The following GMEB2 variants were observed in gnomAD, a reference collection of about 807,000 sequenced individuals.
The protein encoded by GMEB2 is glucocorticoid modulatory element binding protein 2.
Under a neutral mutation model 45.7 loss-of-function variants are expected in GMEB2, and 7 were observed. The observed-to-expected ratio is 0.15, with a 90% confidence interval of 0.09 to 0.29. GMEB2 has a LOEUF of 0.29. Ranked by LOEUF, GMEB2 falls within the 10% of genes least tolerant of loss-of-function variation. The probability of loss-of-function intolerance (pLI) is 1.00; values close to 1 mark genes in which losing one functional copy is unlikely to be tolerated. For missense variants in GMEB2, 582 were observed against 739.2 expected (o/e 0.79, Z 2.47); for synonymous variants, 322 against 323.6 (o/e 1.00, Z 0.05).
intron 2 of GMEB2, among the ~76,000 whole-genome samples, chr20:63,612,549 C>T (rs544227056): frequency 1.3e-4 from 20 of 152,318 alleles, no homozygotes; most frequent in Admixed American, 2.6e-4. Context: ...ATGATCTCAA[C>T]GTTTTGTAAC....
Position 63,604,790 on chromosome 20 carries a change from G to A in GMEB2, c.182C>T (p.Ala61Val), listed in dbSNP as rs778588606. Residue 61 changes from alanine (A) to valine (V), a missense_variant, in exon 3 of 10, where the codon GCT (alanine) becomes GTT (valine). By Grantham distance (64) the Ala-to-Val change is moderately conservative (BLOSUM62 0). This residue lies in a region of GMEB2 where 114 missense variants were observed against 123.4 expected (regional missense o/e 0.92). Transcript: ENST00000370077. ...NMETENAAAA[A>V]AAAFTASSQL... ...GGAGGAGGCTGTGAAGGCCGCGGCA[G>A]CTGCTGCCGCTGCATTTTCTGTCTC... The A allele has an allele frequency of 7.4e-6, 12 of 1,612,026 alleles. No homozygotes were observed. Among genetic ancestry groups the A allele is most frequent in the Non-Finnish European group, 9.3e-6 (11 of 1,178,510 alleles).
intron 2 of GMEB2, among the ~76,000 whole-genome samples, chr20:63,609,967 C>T (rs1270631259): frequency 2.6e-5 from 4 of 152,168 alleles, no homozygotes; most frequent in African/African-American, 9.6e-5. Flanking sequence ...GACCCCACCT[C>T]CATTTCTAGA....
intron 1 of GMEB2, among the ~76,000 whole-genome samples, chr20:63,623,013 T>C (rs1462153489): frequency 6.6e-6 from 1 of 152,040 alleles, no homozygotes; most frequent in East Asian, 1.9e-4. Flanking sequence ...AGAACACCAG[T>C]GAGGGCTCCA....
At chr20:63,625,875 T>G (rs1359116956) in intron 1 of GMEB2, among the ~76,000 whole-genome samples, 1 of 152,164 alleles carries the variant, frequency 6.6e-6, no homozygotes, top group Admixed American at 6.5e-5. Flanking sequence ...GGATTACAGG[T>G]GTGAGCCATC....
intron 5 of GMEB2, among the ~76,000 whole-genome samples, chr20:63,596,514 G>T (rs552968026): frequency 6.6e-6 from 1 of 152,232 alleles, no homozygotes; most frequent in African/African-American, 2.4e-5. Flanking sequence ...CTACCTGGCC[G>T]GTGGTCCCCA....
chr20:63,618,040 C>T (rs974205134), intron 2 of GMEB2, among the ~76,000 whole-genome samples: 2 of 152,214 alleles, frequency 1.3e-5, no homozygotes, highest in South Asian at 4.1e-4. Flanking sequence ...TGGACACCAC[C>T]CCAGCAGCCG....
At position 63,619,034 on chromosome 20, in the gene GMEB2, G is replaced by A. The variant is rs1183725235; in HGVS notation, c.131+233C>T. 3.3e-5 allele frequency among the ~76,000 whole-genome samples: 5 copies of A among 152,260 alleles called. No homozygotes were observed. The highest frequency in any genetic ancestry group is 6.5e-5 in the Admixed American group (1 of 15,300). ...ACGGCCTTTCAGGACGTGGAGCCACGTGGCCATGCAGGTACGGGAGGCCTC... is the reference window on the plus strand; with the variant it reads ...ACGGCCTTTCAGGACGTGGAGCCACATGGCCATGCAGGTACGGGAGGCCTC... On this transcript the variant is annotated intron_variant, in intron 2 of 9. Coordinates refer to ENST00000370077, the MANE Select transcript of GMEB2 (RefSeq NM_012384.5). This position sits in a 1 kb window ranked among gnomAD's most constrained non-coding sequence, Gnocchi z 4.6.
intron 2 of GMEB2, among the ~76,000 whole-genome samples, chr20:63,609,666 T>C (rs201002934): frequency 2.5e-4 from 4 of 16,114 alleles, no homozygotes; most frequent in East Asian, 1.4e-3. Context: ...CCTCCATTTC[T>C]AGAAACATGC....
rs1162030354 is a variant in GMEB2 at position 63,590,267 on chromosome 20, A to C, written c.1415T>G (p.Val472Gly). 1 of 1,612,568 alleles carries C rather than the reference A, an allele frequency of 6.2e-7. No homozygotes were observed. The highest frequency in any genetic ancestry group is 1.7e-5 in the Admixed American group (1 of 60,014). The change falls in exon 10 of 10, where the codon GTC becomes GGC. Residue 472 changes from valine to glycine, a missense_variant. Physicochemically the swap from Val to Gly is moderately radical, Grantham distance 109. Around this residue, in one of 3 missense-constraint regions of GMEB2, gnomAD observed 462 missense variants for 586.7 expected, o/e 0.79. Transcript: ENST00000370077. ...CAACGTGAGCAGCTGTAGCGGGCTG[A>C]CCACCTTGAACACCGTGCTACCGTC... The part of the protein sequence containing the change: ...VQDGSTVFKV[V>G]SPLQLLTLPG...
intron 1 of GMEB2, among the ~76,000 whole-genome samples, chr20:63,623,654 C>G (rs1025026715): frequency 2.1e-4 from 32 of 151,950 alleles, no homozygotes; most frequent in African/African-American, 7.5e-4. Context: ...AAAAATTAGC[C>G]GGGCGCGGTG....
Position 63,593,030 on chromosome 20 carries a change from G to A in GMEB2, c.672C>T (p.Asp224=), listed in dbSNP as rs1441195485. 4 of 1,611,406 alleles carry A rather than the reference G, an allele frequency of 2.5e-6. No homozygotes were observed. The highest frequency in any genetic ancestry group is 1.7e-4 in the Middle Eastern group (1 of 6,052). Residue 224 remains aspartate (D), a synonymous_variant, in exon 7 of 10, where the codon GAC becomes GAT. Coordinates refer to ENST00000370077, the MANE Select transcript of GMEB2 (RefSeq NM_012384.5). The surrounding 1 kb of genome is among the most constrained non-coding windows in gnomAD (Gnocchi z 4.7). The stretch of plus-strand genomic sequence containing the variant: ...TCGTACCTCCAATGGCCGCGGTCCA[G>A]TCGCCAGGGTCTTCACAGGTCTCTA... ...ITIETCEDPG[D]WTAAIGDDTF... is the part of the protein sequence containing the mutation.
intron 2 of GMEB2, among the ~76,000 whole-genome samples, chr20:63,609,804 G>C (rs1426802388): frequency 1.0e-5 from 1 of 97,762 alleles, no homozygotes; most frequent in Non-Finnish European, 2.3e-5. Context: ...TCCATTTCTA[G>C]AAACATGCCC....
At chr20:63,616,852 G>T (rs182993718) in intron 2 of GMEB2, among the ~76,000 whole-genome samples, 1 of 152,292 alleles carries the variant, frequency 6.6e-6, no homozygotes, top group African/African-American at 2.4e-5. Context: ...TGTGTCCCCC[G>T]TAAAATTCAT....
intron 1 of GMEB2, among the ~76,000 whole-genome samples, chr20:63,626,187 G>T (rs2089670139): frequency 6.6e-6 from 1 of 151,798 alleles, no homozygotes; most frequent in African/African-American, 2.4e-5. Flanking sequence ...CTGTGGGGTG[G>T]TCCCTGCAGG....
chr20:63,589,996 C>T lies in GMEB2; in HGVS notation c.*93G>A. The stretch of plus-strand genomic sequence containing the variant: ...TCTGCAGACCACGTGACCCACCTGC[C>T]CGAGCCAGCCCTGCGGCCTCTGCCC... On this transcript the variant is annotated 3_prime_UTR_variant, in exon 10 of 10. Coordinates refer to ENST00000370077, the MANE Select transcript of GMEB2 (RefSeq NM_012384.5). 8.6e-7 allele frequency: 1 copy of T among 1,160,930 alleles called. No homozygotes were observed. The highest frequency in any genetic ancestry group is 2.7e-5 in the East Asian group (1 of 36,776). 71.9% of individuals were successfully genotyped at this position (1,160,930 alleles called of 1,614,324 possible).
Position 63,604,762 on chromosome 20 carries a change from C to T in GMEB2, c.210G>A (p.Gln70=). Residue 70 remains glutamine, a synonymous_variant, in exon 3 of 10, where the codon CAG becomes CAA. Coordinates refer to ENST00000370077, the MANE Select transcript of GMEB2 (RefSeq NM_012384.5). ...TCCTACCTAACACGGCTTCCTTGAG[C>T]TGGGAGGAGGCTGTGAAGGCCGCGG... ...AAAAAFTASS[Q]LKEAVLVKMA... The T allele has an allele frequency of 1.2e-6, 2 of 1,606,964 alleles. No individual in the cohort carries two copies. Among genetic ancestry groups the T allele is most frequent in the Non-Finnish European group, 1.7e-6 (2 of 1,173,580 alleles).
chr20:63,590,771 A>T, intron 9 of GMEB2, 42 bp from the exon 10 acceptor site: 2 of 1,297,046 alleles, frequency 1.5e-6, no homozygotes, highest in Non-Finnish European at 2.1e-6. Flanking sequence ...GGACGGGGGC[A>T]TGGATGGCGG....
At chr20:63,606,253 C>A (rs940710175) in intron 2 of GMEB2, among the ~76,000 whole-genome samples, 1 of 151,340 alleles carries the variant, frequency 6.6e-6, no homozygotes, top group African/African-American at 2.4e-5. Context: ...AGGGTTTTCT[C>A]ATACAATACA....
rs890142014 is a variant in GMEB2, at chr20:63,589,530, T to C, written c.*559A>G. On this transcript the variant is annotated 3_prime_UTR_variant, in exon 10 of 10. Coordinates refer to ENST00000370077, the MANE Select transcript of GMEB2 (RefSeq NM_012384.5). Reference sequence around the variant, plus strand: ...CAAGCTCCGGGTGCATGTTCCCAACTGGAGGAGAACGGGGCGCCAGCCACA... The same window carrying C: ...CAAGCTCCGGGTGCATGTTCCCAACCGGAGGAGAACGGGGCGCCAGCCACA... The C allele has an allele frequency of 4.2e-6, 1 of 235,896 alleles. No homozygotes were observed. The highest frequency in any genetic ancestry group is 8.0e-5 in the East Asian group (1 of 12,544). The allele number at this position is 235,896 out of a possible 1,614,324, so 14.6% of individuals were successfully genotyped here. A position where few individuals can be genotyped will look rare whatever the true frequency, so the allele number is the denominator to read the frequency against.
Sources: gnomAD v4.1 joint callset for allele counts (sites outside exome capture counted in the v4.1 genomes callset) on GRCh38, gnomAD v4.1.1 for gene constraint, gnomAD v4.1.1 regional missense constraint, Gnocchi (gnomAD v3.1) non-coding constraint, MANE v1.5 for transcripts, NCBI Gene and HGNC (gene_info 2026-07-23, HGNC 2026-07-21) for gene names.